The following WSCD2 variants were observed in gnomAD, a reference collection of about 807,000 sequenced individuals.
WSCD2 encodes the protein sialate:O-sulfotransferase 2.
WSCD2 carries 28 observed loss-of-function variants against 55.7 expected under a neutral mutation model. That is an observed-to-expected ratio of 0.50 (90% CI 0.37 to 0.69). The LOEUF is 0.69. Among genes scored for constraint, WSCD2 ranks in the 30% least tolerant of loss-of-function variants. The probability of loss-of-function intolerance (pLI) is 0.00; values close to 1 mark genes in which losing one functional copy is unlikely to be tolerated. For missense variants in WSCD2, 616 were observed against 762.1 expected, an observed-to-expected ratio of 0.81 and a Z score of 2.26; for synonymous variants, 301 against 301.9, an observed-to-expected ratio of 1.00 and a Z score of 0.03.
At chr12:108,148,884 G>A (rs1877676235) in intron 1 of WSCD2, among the ~76,000 whole-genome samples, 2 of 152,186 alleles carry the variant, frequency 1.3e-5, no homozygotes, top group East Asian at 3.9e-4. Context: ...TCAGAGAGGT[G>A]GAGTGAGTTG....
intron 1 of WSCD2, among the ~76,000 whole-genome samples, chr12:108,152,041 A>G (rs1317847855): frequency 6.6e-6 from 1 of 152,156 alleles, no homozygotes; most frequent in Non-Finnish European, 1.5e-5. Flanking sequence ...AGCTCCAGGC[A>G]TCAGGGACGC....
In WSCD2 at chr12:108,248,827, C is replaced by CCGA. The variant is rs1890267435; in HGVS notation, c.*485_*487dup. On this transcript the variant is annotated 3_prime_UTR_variant, in exon 9 of 9. Transcript: ENST00000547525. This position sits in a 1 kb window ranked among gnomAD's most constrained non-coding sequence, Gnocchi z 4.3. ...CATCTCCACCCAAGAAGTGCTGGCA[C>CCGA]CGATGTTTAACTCAGGCCACCTTCT... 5 of 990,226 alleles carry CCGA rather than the reference C, an allele frequency of 5.0e-6. No homozygotes were observed. The highest frequency in any genetic ancestry group is 6.0e-6 in the Non-Finnish European group (5 of 832,406). 61.3% of individuals were successfully genotyped at this position (990,226 alleles called of 1,614,324 possible).
At chr12:108,232,406 G>A (rs547410653) in intron 6 of WSCD2, among the ~76,000 whole-genome samples, 1 of 152,070 alleles carries the variant, frequency 6.6e-6, no homozygotes, top group African/African-American at 2.4e-5. Context: ...TTGCTCTGCT[G>A]GGGGGAAACT....
chr12:108,215,596 C>A (rs1321432023), intron 4 of WSCD2, among the ~76,000 whole-genome samples: 2 of 152,154 alleles, frequency 1.3e-5, no homozygotes, highest in Non-Finnish European at 2.9e-5. Context: ...CAGTTAGGCT[C>A]TTTGTGTAAT....
At chr12:108,176,694 G>T (rs986972427) in intron 1 of WSCD2, among the ~76,000 whole-genome samples, 5 of 152,176 alleles carry the variant, frequency 3.3e-5, no homozygotes, top group Non-Finnish European at 7.3e-5. Flanking sequence ...TTTAAGAAAT[G>T]GTCAAACTGT....
At chr12:108,181,465 C>T (rs1881749592) in intron 1 of WSCD2, among the ~76,000 whole-genome samples, 1 of 152,156 alleles carries the variant, frequency 6.6e-6, no homozygotes. Context: ...TGCCTATCAG[C>T]CCTCTGGCCT....
intron 1 of WSCD2, among the ~76,000 whole-genome samples, chr12:108,182,232 C>T (rs1200129957): frequency 6.6e-6 from 1 of 152,162 alleles, no homozygotes; most frequent in African/African-American, 2.4e-5. Context: ...TTCTTGCTCC[C>T]GGCAGCTGAC....
chr12:108,164,810 A>G (rs1879448451), intron 1 of WSCD2, among the ~76,000 whole-genome samples: 1 of 152,284 alleles, frequency 6.6e-6, no homozygotes, highest in Non-Finnish European at 1.5e-5. Context: ...TTAGGAGACA[A>G]GGAGGCCCAA....
intron 8 of WSCD2, chr12:108,244,632 G>A: frequency 2.9e-6 from 2 of 701,310 alleles, no homozygotes; most frequent in South Asian, 3.0e-5. Flanking sequence ...TGAGGCTGAA[G>A]ATCGAGTAAT....
intron 4 of WSCD2, among the ~76,000 whole-genome samples, chr12:108,211,738 C>T (rs1433880214): frequency 6.6e-6 from 1 of 150,840 alleles, no homozygotes; most frequent in Non-Finnish European, 1.5e-5. Flanking sequence ...ATTGCAACCC[C>T]CGTATGCCAG....
At chr12:108,172,884 C>A (rs1880379418) in intron 1 of WSCD2, among the ~76,000 whole-genome samples, 1 of 152,124 alleles carries the variant, frequency 6.6e-6, no homozygotes, top group African/African-American at 2.4e-5. Flanking sequence ...TGTGTCCCCC[C>A]AGATTCACAA....
chr12:108,161,095 C>T (rs1879007992), intron 1 of WSCD2, among the ~76,000 whole-genome samples: 1 of 152,228 alleles, frequency 6.6e-6, no homozygotes, highest in African/African-American at 2.4e-5. Context: ...TGCCACCACA[C>T]ACATGGTGTA....
intron 4 of WSCD2, among the ~76,000 whole-genome samples, chr12:108,219,552 C>T (rs1887240301): frequency 6.6e-6 from 1 of 152,212 alleles, no homozygotes; most frequent in South Asian, 2.1e-4. Context: ...TGCCCTCACA[C>T]AGCCTCTCCT....
At chr12:108,151,316 T>G (rs527738456) in intron 1 of WSCD2, among the ~76,000 whole-genome samples, 1 of 152,198 alleles carries the variant, frequency 6.6e-6, no homozygotes, top group Admixed American at 6.5e-5. Context: ...TCCTCAATCA[T>G]GACAATAAAA....
At position 108,204,496 on chromosome 12, in the gene WSCD2, C is replaced by T. The variant is rs76255969; in HGVS notation, c.383-1793C>T. Reference sequence around the variant, plus strand: ...GAAGTTAGTGTGCAGCCCTTGCCCACGTGGCCACAAAGTGCTTTCTCCCAG... The same window carrying T: ...GAAGTTAGTGTGCAGCCCTTGCCCATGTGGCCACAAAGTGCTTTCTCCCAG... On this transcript the variant is annotated intron_variant, in intron 2 of 8. Coordinates refer to ENST00000547525, the MANE Select transcript of WSCD2 (RefSeq NM_014653.4). Among the ~76,000 whole-genome samples the T allele has an allele frequency of 5.8e-3, 885 of 152,286 alleles. 5 individuals carry two copies. Among genetic ancestry groups the T allele is most frequent in the African/African-American group, 0.02 (848 of 41,566 alleles).
intron 1 of WSCD2, among the ~76,000 whole-genome samples, chr12:108,178,477 T>C (rs1395157313): frequency 1.3e-5 from 2 of 152,234 alleles, no homozygotes; most frequent in Non-Finnish European, 2.9e-5. Flanking sequence ...TTCCTTGCTA[T>C]GCACTATACA....
rs770562235 is a variant in WSCD2, at chr12:108,210,324, C to A, written c.682+19C>A. The A allele has an allele frequency of 1.9e-5, 30 of 1,548,830 alleles. No individual in the cohort carries two copies. The highest frequency in any genetic ancestry group is 3.8e-5 in the Admixed American group (2 of 52,028). On this transcript the variant is annotated intron_variant, in intron 4 of 8. Coordinates refer to ENST00000547525, the MANE Select transcript of WSCD2 (RefSeq NM_014653.4). The surrounding 1 kb of genome is among the most constrained non-coding windows in gnomAD (Gnocchi z 4.3). Reference sequence around the variant, plus strand: ...CGCAGGTGTACGTGAGTCTGCCCTGCCCCTCTCTGCTGCTCCTCCCTCAGC... The same window carrying A: ...CGCAGGTGTACGTGAGTCTGCCCTGACCCTCTCTGCTGCTCCTCCCTCAGC...
chr12:108,245,699 G>A (rs1321109597), intron 8 of WSCD2, among the ~76,000 whole-genome samples: 4 of 152,248 alleles, frequency 2.6e-5, no homozygotes, highest in African/African-American at 4.8e-5. Flanking sequence ...CAGTGATGCT[G>A]TGAGGTGATG....
chr12:108,163,213 C>CA (rs1339202684), intron 1 of WSCD2, among the ~76,000 whole-genome samples: 12 of 151,850 alleles, frequency 7.9e-5, no homozygotes, highest in Non-Finnish European at 1.6e-4. Context: ...ACTAAAAATA[C>CA]AAAAAATTAG....
Sources: allele counts gnomAD v4.1 joint callset (sites outside exome capture counted in the v4.1 genomes callset), GRCh38; gene constraint gnomAD v4.1.1; non-coding constraint Gnocchi (gnomAD v3.1); transcripts MANE v1.5; gene names NCBI Gene and HGNC (gene_info 2026-07-23, HGNC 2026-07-21).